The following ZNF382 variants were observed in gnomAD, a reference collection of about 807,000 sequenced individuals.
The protein encoded by ZNF382 is zinc finger protein 382.
In ZNF382, 20 loss-of-function variants were observed where a neutral mutation model predicts 38.8. The ratio of observed to expected loss-of-function variants is 0.51; its 90% CI spans 0.36 to 0.75. ZNF382 has a LOEUF of 0.75. Ranked by LOEUF, ZNF382 falls within the 30% of genes least tolerant of loss-of-function variation. The probability of loss-of-function intolerance (pLI) is 0.00; values close to 1 mark genes in which losing one functional copy is unlikely to be tolerated. For missense variants in ZNF382, 546 were observed against 654.1 expected (o/e 0.83, Z 1.80); for synonymous variants, 202 against 223.1 (o/e 0.91, Z 0.84).
chr19:36,630,310 G>A lies in ZNF382; in HGVS notation c.*2760G>A, dbSNP rs1426640948. ...GAATCTAATGAATGTCCGTGAAGGA[G>A]GTACTTTTGAATGCTTTAAAGAAAG... On this transcript the variant is annotated 3_prime_UTR_variant, in exon 5 of 5. Coordinates refer to ENST00000292928, the MANE Select transcript of ZNF382 (RefSeq NM_032825.5). 1 of 151,886 alleles carries A rather than the reference G, an allele frequency of 6.6e-6. No individual in the cohort carries two copies. The highest frequency in any genetic ancestry group is 1.5e-5 in the Non-Finnish European group (1 of 67,994). 9.4% of individuals were successfully genotyped at this position (151,886 alleles called of 1,614,324 possible). A position where few individuals can be genotyped will look rare whatever the true frequency, so the allele number is the denominator to read the frequency against.
chr19:36,615,237 G>A (rs2145320966), intron 4 of ZNF382, among the ~76,000 whole-genome samples: 1 of 152,000 alleles, frequency 6.6e-6, no homozygotes, highest in South Asian at 2.1e-4. Context: ...ATCCGCCACA[G>A]CCTCCCAAAG....
chr19:36,618,714 G>A (rs968590097), intron 4 of ZNF382, among the ~76,000 whole-genome samples: 1 of 151,442 alleles, frequency 6.6e-6, no homozygotes, highest in African/African-American at 2.4e-5. Flanking sequence ...CTGGAGGATT[G>A]TTTTGATACA....
intron 1 of ZNF382, 111 bp from the exon 2 acceptor site, chr19:36,607,441 G>A (rs1385676733): frequency 3.0e-6 from 2 of 668,160 alleles, no homozygotes; most frequent in African/African-American, 1.8e-5. Context: ...TACACAGGGT[G>A]GACAAGTGCT....
chr19:36,619,999 G>C (rs1443886051), intron 4 of ZNF382, among the ~76,000 whole-genome samples: 1 of 152,154 alleles, frequency 6.6e-6, no homozygotes, highest in Admixed American at 6.5e-5. Context: ...CCAAAGTGCT[G>C]GGATTACAGG....
At chr19:36,607,796 G>A (rs1365007582) in intron 2 of ZNF382, 174 bp downstream of exon 2, 20 of 656,426 alleles carry the variant, frequency 3.0e-5, no homozygotes, top group Middle Eastern at 3.5e-4. Flanking sequence ...ATATTTAAGG[G>A]GTACCCTCAG....
Position 36,610,714 on chromosome 19 carries a change from G to A in ZNF382, c.204G>A (p.Gln68=), listed in dbSNP as rs1353731282. ...AACAAGGAGAAGAGCTATGGACACAGAGAATTTTTCCAAGTTACAGCTACC... is the reference window on the plus strand; with the variant it reads ...AACAAGGAGAAGAGCTATGGACACAAAGAATTTTTCCAAGTTACAGCTACC... The part of the protein sequence containing the change: ...KLEQGEELWT[Q]RIFPSYSYLE... The change falls in exon 4 of 5, where the codon CAG becomes CAA. Residue 68 remains glutamine, a synonymous_variant. Coordinates refer to ENST00000292928, the MANE Select transcript of ZNF382 (RefSeq NM_032825.5). The A allele has an allele frequency of 6.2e-7, 1 of 1,613,256 alleles. No homozygotes were observed. The highest frequency in any genetic ancestry group is 1.1e-5 in the South Asian group (1 of 90,994).
chr19:36,607,853 A>G (rs1051520784), intron 2 of ZNF382: 19 of 514,870 alleles, frequency 3.7e-5, no homozygotes, highest in Non-Finnish European at 5.8e-5. Context: ...CACCTGCCTC[A>G]CCCTGTATCC....
intron 4 of ZNF382, among the ~76,000 whole-genome samples, chr19:36,611,889 T>C (rs145471538): frequency 6.6e-6 from 1 of 152,224 alleles, no homozygotes; most frequent in Non-Finnish European, 1.5e-5. Flanking sequence ...TGGCTGACTT[T>C]CATGCCTCTA....
At chr19:36,607,423 C>A in intron 1 of ZNF382, 129 bp from the exon 2 acceptor site, 1 of 595,166 alleles carries the variant, frequency 1.7e-6, no homozygotes, top group Non-Finnish European at 2.9e-6. Flanking sequence ...TCCTGGACAT[C>A]TGAAGGGTAC....
At chr19:36,620,476 T>C (rs1483112654) in intron 4 of ZNF382, among the ~76,000 whole-genome samples, 1 of 152,236 alleles carries the variant, frequency 6.6e-6, no homozygotes, top group Non-Finnish European at 1.5e-5. Flanking sequence ...ATTGGTCCTT[T>C]CTGATGTGTC....
intron 4 of ZNF382, among the ~76,000 whole-genome samples, chr19:36,624,173 A>T (rs889959422): frequency 1.3e-5 from 2 of 152,168 alleles, no homozygotes; most frequent in Non-Finnish European, 2.9e-5. Flanking sequence ...GTTCTTAGGG[A>T]GGCAATGTAA....
chr19:36,618,628 T>A (rs141903059), intron 4 of ZNF382, among the ~76,000 whole-genome samples: 2 of 152,322 alleles, frequency 1.3e-5, no homozygotes, highest in African/African-American at 4.8e-5. Context: ...CTTTCAAAGA[T>A]TGCATCCACT....
chr19:36,623,522 G>A (rs185757692), intron 4 of ZNF382, among the ~76,000 whole-genome samples: 16 of 152,200 alleles, frequency 1.1e-4, no homozygotes, highest in African/African-American at 2.6e-4. Context: ...GGGAGCAGTC[G>A]CTCACTCCTG....
chr19:36,617,316 A>G (rs988249188), intron 4 of ZNF382, among the ~76,000 whole-genome samples: 1 of 152,162 alleles, frequency 6.6e-6, no homozygotes, highest in Admixed American at 6.5e-5. Flanking sequence ...CATATAAACA[A>G]GAGGAGCCTA....
chr19:36,618,489 A>C (rs2145325261), intron 4 of ZNF382, among the ~76,000 whole-genome samples: 1 of 151,960 alleles, frequency 6.6e-6, no homozygotes, highest in South Asian at 2.1e-4. Flanking sequence ...GTAGCTCTGA[A>C]CTCTAACCTC....
intron 4 of ZNF382, among the ~76,000 whole-genome samples, chr19:36,611,545 C>T (rs985388425): frequency 3.3e-5 from 5 of 152,100 alleles, no homozygotes; most frequent in Admixed American, 6.5e-5. Context: ...TTCATTCATC[C>T]GTCAGTGGTC....
At chr19:36,621,537 C>T (rs917769982) in intron 4 of ZNF382, among the ~76,000 whole-genome samples, 5 of 151,688 alleles carry the variant, frequency 3.3e-5, no homozygotes, top group African/African-American at 4.8e-5. Context: ...AGTCAGCCCC[C>T]CGAATTCATG....
intron 4 of ZNF382, among the ~76,000 whole-genome samples, chr19:36,619,565 C>G (rs901002100): frequency 8.5e-5 from 13 of 152,220 alleles, no homozygotes; most frequent in African/African-American, 2.9e-4. Flanking sequence ...AATTCCTAAG[C>G]AAGCACATAA....
intron 2 of ZNF382, chr19:36,609,177 T>C (rs924659210): frequency 2.6e-5 from 4 of 152,190 alleles, no homozygotes; most frequent in Admixed American, 2.6e-4. Flanking sequence ...TGGAAGGAAA[T>C]AAAATACTAA....
Sources: gnomAD v4.1 joint callset for allele counts (sites outside exome capture counted in the v4.1 genomes callset) on GRCh38, gnomAD v4.1.1 for gene constraint, MANE v1.5 for transcripts, NCBI Gene and HGNC (gene_info 2026-07-23, HGNC 2026-07-21) for gene names.